SRSF11: variants seen among roughly 807,000 people sequenced by gnomAD.
The protein encoded by SRSF11 is serine and arginine rich splicing factor 11.
SRSF11 carries 9 observed loss-of-function variants against 56.0 expected under a neutral mutation model. The observed-to-expected ratio is 0.16, with a 90% confidence interval of 0.10 to 0.28. SRSF11 has a LOEUF of 0.28. SRSF11 is among the 10% of genes least tolerant of loss of function. The probability of loss-of-function intolerance (pLI) is 1.00; values close to 1 mark genes in which losing one functional copy is unlikely to be tolerated. For synonymous variants in SRSF11, 222 were observed against 215.3 expected (o/e 1.03, Z -0.27); for missense variants, 421 against 600.7 (o/e 0.70, Z 3.13).
At chr1:70,248,908 A>G (rs1223534229) in intron 9 of SRSF11, 6 of 152,338 alleles carry the variant, frequency 3.9e-5, no homozygotes, top group Middle Eastern at 3.4e-3. Flanking sequence ...AGTCGTGACA[A>G]TGTTTGATAA....
intron 6 of SRSF11, among the ~76,000 whole-genome samples, chr1:70,238,806 A>G (rs1674685740): frequency 6.6e-6 from 1 of 152,152 alleles, no homozygotes; most frequent in African/African-American, 2.4e-5. Flanking sequence ...TGAGAAATTT[A>G]CCCTCTTTAT....
chr1:70,235,490 T>C lies in SRSF11; in HGVS notation c.541-11T>C. On this transcript the variant is annotated splice_polypyrimidine_tract_variant and intron_variant, in intron 4 of 11. Transcript: ENST00000370949. Reference sequence around the variant, plus strand: ...ATGTATTCTCATTATTCTTATGTTTTATTTTTACAGTCTCTTGCTGCAGAT... The same window carrying C: ...ATGTATTCTCATTATTCTTATGTTTCATTTTTACAGTCTCTTGCTGCAGAT... 6.2e-7 allele frequency: 1 copy of C among 1,602,612 alleles called. No individual in the cohort carries two copies. Among genetic ancestry groups the C allele is most frequent in the South Asian group, 1.1e-5 (1 of 88,432 alleles).
intron 7 of SRSF11, among the ~76,000 whole-genome samples, chr1:70,241,450 C>G (rs1286268296): frequency 6.6e-6 from 1 of 152,190 alleles, no homozygotes; most frequent in Non-Finnish European, 1.5e-5. Flanking sequence ...ATCCCACTGT[C>G]TTATTCTTAG....
chr1:70,214,230 C>T (rs1669809833), intron 1 of SRSF11, among the ~76,000 whole-genome samples: 1 of 152,142 alleles, frequency 6.6e-6, no homozygotes, highest in Non-Finnish European at 1.5e-5. Context: ...CCTCCAATGG[C>T]TTTTTGTCAG....
At position 70,252,112 on chromosome 1, in the gene SRSF11, T is replaced by C. The variant is rs1298723967; in HGVS notation, c.*1307T>C. 2 of 152,588 alleles carry C rather than the reference T, an allele frequency of 1.3e-5. No homozygotes were observed. The highest frequency in any genetic ancestry group is 2.9e-5 in the Non-Finnish European group (2 of 68,004). The allele number at this position is 152,588 out of a possible 1,614,324, so 9.5% of individuals were successfully genotyped here. ...CCCTTTCTGTCCACATATTTCAGTA[T>C]AGTAAAAAGAGGAAGTCTATCACTG... On this transcript the variant is annotated 3_prime_UTR_variant, in exon 12 of 12. Transcript: ENST00000370949.
intron 1 of SRSF11, among the ~76,000 whole-genome samples, chr1:70,222,236 G>C (rs987455484): frequency 6.6e-6 from 1 of 152,168 alleles, no homozygotes; most frequent in Non-Finnish European, 1.5e-5. Flanking sequence ...ATTCATGCCT[G>C]TGTTAATTTG....
At chr1:70,232,113 GATAA>G (rs756124121) in intron 2 of SRSF11, 151 bp from the exon 3 acceptor site, 267 of 1,548,456 alleles carry the variant, frequency 1.7e-4, no homozygotes, top group Non-Finnish European at 2.3e-4. Context: ...TAAAATTAAT[GATAA>G]ATAATCATAG....
At chr1:70,241,187 A>G (rs1172778642) in intron 7 of SRSF11, among the ~76,000 whole-genome samples, 1 of 152,156 alleles carries the variant, frequency 6.6e-6, no homozygotes, top group African/African-American at 2.4e-5. Context: ...ACCAAGGGTT[A>G]GATAAAACCA....
chr1:70,230,388 A>G, intron 2 of SRSF11: 1 of 1,106,416 alleles, frequency 9.0e-7, no homozygotes, highest in Non-Finnish European at 1.1e-6. Flanking sequence ...GTGTTTTAGA[A>G]CAGTAGACAT....
intron 3 of SRSF11, 148 bp downstream of exon 3, chr1:70,232,525 A>C (rs1673037058): frequency 1.6e-6 from 1 of 614,676 alleles, no homozygotes; most frequent in Non-Finnish European, 2.8e-6. Flanking sequence ...ATAGTATAGA[A>C]GATCTCTTAG....
rs1056456952 is a variant in SRSF11 at position 70,214,295 on chromosome 1, G to T, written c.-25-7317G>T. Among the ~76,000 whole-genome samples the T allele has an allele frequency of 7.2e-5, 11 of 152,194 alleles. No homozygotes were observed. In the East Asian group the frequency reaches 2.1e-3, roughly 29 times the overall value. Reference sequence around the variant, plus strand: ...TAGAAGATAGTATTGAGAAATCAGTGTCTGGAGCTTCCCCAGCCAAATGTT... The same window carrying T: ...TAGAAGATAGTATTGAGAAATCAGTTTCTGGAGCTTCCCCAGCCAAATGTT... On this transcript the variant is annotated intron_variant, in intron 1 of 12. Transcript: ENST00000370950.
chr1:70,246,881 A>G lies in SRSF11; in HGVS notation c.996A>G (p.Thr332=), dbSNP rs1014952589. 2 of 1,609,404 alleles carry G rather than the reference A, an allele frequency of 1.2e-6. No individual in the cohort carries two copies. The highest frequency in any genetic ancestry group is 2.7e-5 in the African/African-American group (2 of 74,816). The part of the protein sequence containing the change: ...RSKTPPKSYS[T]ARRSRSASRE... ...AAACACCACCAAAAAGTTACAGCACAGCCAGACGTTCTAGAAGTGCAAGCA... is the reference window on the plus strand; with the variant it reads ...AAACACCACCAAAAAGTTACAGCACGGCCAGACGTTCTAGAAGTGCAAGCA... The change falls in exon 9 of 12, where the codon ACA becomes ACG. Residue 332 remains threonine, a synonymous_variant. Coordinates refer to ENST00000370949, the MANE Select transcript of SRSF11 (RefSeq NM_001350605.2).
intron 5 of SRSF11, among the ~76,000 whole-genome samples, chr1:70,235,958 C>T (rs1348641883): frequency 6.6e-6 from 1 of 152,154 alleles, no homozygotes; most frequent in Non-Finnish European, 1.5e-5. Context: ...GATAAGTGCT[C>T]TTCATGCTGT....
intron 1 of SRSF11, among the ~76,000 whole-genome samples, chr1:70,215,948 G>A (rs887835948): frequency 6.6e-6 from 1 of 152,116 alleles, no homozygotes; most frequent in Non-Finnish European, 1.5e-5. Context: ...CACCACGCGC[G>A]GCTGATTTTG....
chr1:70,208,472 T>TAC (rs1669256854), intron 1 of SRSF11, among the ~76,000 whole-genome samples: 2 of 152,146 alleles, frequency 1.3e-5, no homozygotes, highest in Non-Finnish European at 2.9e-5. Context: ...AAGCTGGCAT[T>TAC]ACAGGTACGC....
intron 1 of SRSF11, among the ~76,000 whole-genome samples, chr1:70,227,161 C>G (rs576816616): frequency 6.6e-6 from 1 of 151,992 alleles, no homozygotes; most frequent in Non-Finnish European, 1.5e-5. Flanking sequence ...TTTTGTTAGG[C>G]CTAAATTAAA....
At chr1:70,212,344 C>G (rs1208215643) in intron 1 of SRSF11, among the ~76,000 whole-genome samples, 1 of 152,118 alleles carries the variant, frequency 6.6e-6, no homozygotes, top group Non-Finnish European at 1.5e-5. Flanking sequence ...GCAACCTCCA[C>G]CTCCTGGGTT....
chr1:70,219,062 C>T (rs1432239818), upstream of SRSF11, among the ~76,000 whole-genome samples: 1 of 152,198 alleles, frequency 6.6e-6, no homozygotes. Flanking sequence ...TGAGCACTAA[C>T]TGGCACAAGG....
intron 5 of SRSF11, among the ~76,000 whole-genome samples, chr1:70,236,667 C>T (rs1674120048): frequency 1.3e-5 from 2 of 151,690 alleles, no homozygotes. Context: ...CTGTAAGGGG[C>T]ATCTTTAGCC....
Sources: allele counts gnomAD v4.1 joint callset (sites outside exome capture counted in the v4.1 genomes callset), GRCh38; gene constraint gnomAD v4.1.1; transcripts MANE v1.5; gene names NCBI Gene and HGNC (gene_info 2026-07-23, HGNC 2026-07-21).